RBFOX1: variants seen among roughly 807,000 people sequenced by gnomAD.
RBFOX1 encodes RNA binding protein fox-1 homolog 1.
RBFOX1 carries 8 observed loss-of-function variants against 57.7 expected under a neutral mutation model. The observed-to-expected ratio is 0.14, with a 90% CI of 0.08 to 0.25. RBFOX1 has a LOEUF of 0.25. RBFOX1 is among the 10% of genes least tolerant of loss of function. The pLI is 1.00. For missense variants in RBFOX1, 611 were observed against 548.5 expected (o/e 1.11, Z -1.14); for synonymous variants, 326 against 222.4 (o/e 1.47, Z -4.15).
chr16:6,637,564 T>TCTGTATAGTATATATAGAATAG (rs756936561), intron 2 of RBFOX1, among the ~76,000 whole-genome samples: 1 of 128,474 alleles, frequency 7.8e-6, no homozygotes, highest in Non-Finnish European at 1.6e-5. Context: ...ATATATAATA[T>TCTGTATAGTATATATAGAATAG]TCTATATAGT....
chr16:6,063,495 ACACACACACACC>A (rs765854947), intron 1 of RBFOX1, among the ~76,000 whole-genome samples: 7,729 of 113,986 alleles, frequency 0.068, 510 homozygotes, highest in African/African-American at 0.18. Flanking sequence ...ACACACACAC[ACACACACACACC>A]CCCTTATATT....
chr16:6,533,768 G>A (rs1240653642), intron 2 of RBFOX1, among the ~76,000 whole-genome samples: 6 of 152,032 alleles, frequency 3.9e-5, no homozygotes, highest in Admixed American at 2.6e-4. Context: ...GCAAACACTC[G>A]AAAGCCCCTG....
intron 4 of RBFOX1, among the ~76,000 whole-genome samples, chr16:7,275,677 A>G (rs1268838773): frequency 6.6e-6 from 1 of 152,182 alleles, no homozygotes; most frequent in Non-Finnish European, 1.5e-5. Flanking sequence ...GGAGTTCTGG[A>G]CACACTCTCT....
intron 2 of RBFOX1, among the ~76,000 whole-genome samples, chr16:6,578,655 T>C (rs112326019): frequency 2.2e-4 from 24 of 110,074 alleles, no homozygotes; most frequent in African/African-American, 5.4e-4. Flanking sequence ...GACAAAAATA[T>C]AGAGAAGGAG....
At chr16:5,458,285 C>T (rs1308991509) in intron 1 of RBFOX1, among the ~76,000 whole-genome samples, 1 of 151,862 alleles carries the variant, frequency 6.6e-6, no homozygotes, top group Non-Finnish European at 1.5e-5. Flanking sequence ...TTTTCTATGT[C>T]ATCGATGAAT....
intron 4 of RBFOX1, among the ~76,000 whole-genome samples, chr16:7,400,016 G>A (rs2098214273): frequency 6.6e-6 from 1 of 152,174 alleles, no homozygotes; most frequent in African/African-American, 2.4e-5. Context: ...ACAATTATAT[G>A]AGGTAGGGAT....
chr16:7,235,016 T>C (rs2093698676), intron 4 of RBFOX1, among the ~76,000 whole-genome samples: 2 of 152,134 alleles, frequency 1.3e-5, no homozygotes, highest in South Asian at 4.1e-4. Context: ...CTAACGATTT[T>C]TTGCAAGGCA....
intron 2 of RBFOX1, among the ~76,000 whole-genome samples, chr16:5,553,674 TA>T (rs2045556554): frequency 9.6e-5 from 6 of 62,390 alleles, no homozygotes; most frequent in African/African-American, 3.3e-4. Context: ...ATGTTCTATA[TA>T]TGTGTGTATA....
intron 3 of RBFOX1, among the ~76,000 whole-genome samples, chr16:5,640,237 T>G (rs1037850946): frequency 1.3e-5 from 2 of 152,178 alleles, no homozygotes; most frequent in Non-Finnish European, 2.9e-5. Flanking sequence ...TCTATATTAA[T>G]GAAGGGACAT....
At chr16:5,839,971 A>G (rs567335306) in intron 3 of RBFOX1, among the ~76,000 whole-genome samples, 1 of 152,296 alleles carries the variant, frequency 6.6e-6, no homozygotes, top group East Asian at 1.9e-4. Flanking sequence ...TTACTGGACA[A>G]ACATCTAACA....
chr16:7,653,914 C>T lies in RBFOX1; in HGVS notation c.857C>T (p.Ala286Val). ...GRTVYNTFRA[A>V]APPPPIPAYG... ...ACCGTGTACAACACCTTCAGGGCCG[C>T]GGCGCCCCCGCCCCCGATCCCGGCC... Residue 286 changes from alanine to valine, a missense_variant, in exon 12 of 16, where the codon GCG (alanine) becomes GTG (valine). Physicochemically the swap from Ala to Val is moderately conservative, Grantham distance 64. This residue lies in a region of RBFOX1 where 267 missense variants were observed against 229.1 expected (regional missense o/e 1.17). Coordinates refer to ENST00000550418, the MANE Select transcript of RBFOX1 (RefSeq NM_018723.4). 1 of 1,572,700 alleles carries T rather than the reference C, an allele frequency of 6.4e-7. No homozygotes were observed. Among genetic ancestry groups the T allele is most frequent in the Non-Finnish European group, 8.6e-7 (1 of 1,165,728 alleles).
rs28637548 is a variant in RBFOX1 at position 7,492,264 on chromosome 16, A to G, written c.28-25883A>G. Among the ~76,000 whole-genome samples the G allele has an allele frequency of 2.7e-3, 414 of 152,342 alleles. 2 individuals carry two copies. The highest frequency in any genetic ancestry group is 9.3e-3 in the African/African-American group (388 of 41,564). The stretch of plus-strand genomic sequence containing the variant: ...AAAAATTCAAATAAAAGGAATGCAG[A>G]TTAGCAGAGAGAATGCTAAGCAAGT... On this transcript the variant is annotated intron_variant, in intron 4 of 15. Transcript: ENST00000550418.
intron 2 of RBFOX1, among the ~76,000 whole-genome samples, chr16:6,478,571 A>T (rs1214365157): frequency 6.6e-6 from 1 of 151,026 alleles, no homozygotes; most frequent in African/African-American, 2.4e-5. Context: ...CAGCTTTAAA[A>T]GTGTCTTCGT....
chr16:7,532,701 G>C (rs556405350), intron 5 of RBFOX1, among the ~76,000 whole-genome samples: 3 of 152,336 alleles, frequency 2.0e-5, no homozygotes, highest in South Asian at 4.1e-4. Flanking sequence ...ATTCCTGCCT[G>C]CGATGTTTTT....
chr16:6,530,636 A>T (rs2096644549), intron 2 of RBFOX1, among the ~76,000 whole-genome samples: 1 of 152,114 alleles, frequency 6.6e-6, no homozygotes, highest in Non-Finnish European at 1.5e-5. Flanking sequence ...ACAATTCCAC[A>T]TGGCTGGGGA....
At chr16:6,488,434 C>CT (rs1489670638) in intron 2 of RBFOX1, among the ~76,000 whole-genome samples, 1 of 152,180 alleles carries the variant, frequency 6.6e-6, no homozygotes, top group Non-Finnish European at 1.5e-5. Context: ...CGGGCACTTA[C>CT]TGACTCCCTC....
intron 10 of RBFOX1, chr16:7,614,219 G>C (rs770781034): frequency 6.6e-6 from 1 of 152,196 alleles, no homozygotes; most frequent in Admixed American, 6.5e-5. Flanking sequence ...ACTGGAACAG[G>C]AGAGTCCAGA....
intron 4 of RBFOX1, among the ~76,000 whole-genome samples, chr16:7,383,648 T>C (rs535990509): frequency 6.6e-6 from 1 of 152,284 alleles, no homozygotes; most frequent in South Asian, 2.1e-4. Flanking sequence ...TCATGATAAA[T>C]TTAAAAATAA....
chr16:6,424,156 T>A (rs1189145316), intron 2 of RBFOX1, among the ~76,000 whole-genome samples: 3 of 152,152 alleles, frequency 2.0e-5, no homozygotes, highest in Admixed American at 2.0e-4. Context: ...GGAGAATCAC[T>A]TGAACCCAGG....
Sources: gnomAD v4.1 joint callset for allele counts (sites outside exome capture counted in the v4.1 genomes callset) on GRCh38, gnomAD v4.1.1 for gene constraint, gnomAD v4.1.1 regional missense constraint, MANE v1.5 for transcripts, NCBI Gene and HGNC (gene_info 2026-07-23, HGNC 2026-07-21) for gene names.